The following TGM2 variants were observed in gnomAD, a reference collection of about 807,000 sequenced individuals.
TGM2 encodes transglutaminase 2.
In TGM2, 53 loss-of-function variants were observed where a neutral mutation model predicts 75.6. The observed-to-expected ratio is 0.70, with a 90% CI of 0.56 to 0.88. The LOEUF (loss-of-function observed/expected upper bound fraction) is 0.88. Among genes scored for constraint, TGM2 ranks in the 40% least tolerant of loss-of-function variants. The pLI, the probability that TGM2 is intolerant of heterozygous loss-of-function variation, is 0.00. For missense variants in TGM2, 842 were observed against 928.5 expected, an observed-to-expected ratio of 0.91 and a Z score of 1.21; for synonymous variants, 374 against 381.1, an observed-to-expected ratio of 0.98 and a Z score of 0.22.
At chr20:38,167,537 C>CT (rs1465574429), upstream of TGM2, among the ~76,000 whole-genome samples, 1 of 152,136 alleles carries the variant, frequency 6.6e-6, no homozygotes, top group Non-Finnish European at 1.5e-5. Flanking sequence ...GGAGGTCTCA[C>CT]TATGTTGCCC....
At chr20:38,156,135 GGCA>G in intron 2 of TGM2, 46 bp from the exon 3 acceptor site, 1 of 1,591,328 alleles carries the variant, frequency 6.3e-7, no homozygotes, top group Non-Finnish European at 8.5e-7. Context: ...TAGCAGGGCT[GGCA>G]GGGCAGGGCA....
intron 10 of TGM2, chr20:38,132,799 C>T (rs770194695): frequency 5.9e-6 from 3 of 506,526 alleles, no homozygotes; most frequent in South Asian, 3.1e-5. Flanking sequence ...CCCAGGTCCT[C>T]GATGTTTGGA....
intron 3 of TGM2, among the ~76,000 whole-genome samples, chr20:38,155,574 G>T (rs185550340): frequency 4.1e-4 from 63 of 152,118 alleles, no homozygotes; most frequent in African/African-American, 1.5e-3. Context: ...TTAACTCCTG[G>T]CTCGCTCAAG....
At position 38,141,331 on chromosome 20, in the gene TGM2, C is replaced by A. The variant is rs1485217659; in HGVS notation, c.1050G>T (p.Gly350=). ...GGTCCAGGGCCTGCCAGCCCTCGTACCCCGGCTGCAGGTCCGGCCTGGTCA... is the reference window on the plus strand; with the variant it reads ...GGTCCAGGGCCTGCCAGCCCTCGTAACCCGGCTGCAGGTCCGGCCTGGTCA... ...SWMTRPDLQP[G]YEGWQALDPT... is the part of the protein sequence containing the mutation. Residue 350 remains glycine (G), a synonymous_variant, in exon 8 of 13, where the codon GGG becomes GGT. Transcript: ENST00000361475. 2.5e-6 allele frequency: 4 copies of A among 1,592,256 alleles called. No individual in the cohort carries two copies. The highest frequency in any genetic ancestry group is 1.3e-5 in the African/African-American group (1 of 74,776).
chr20:38,143,877 A>C (rs2075010256), intron 6 of TGM2, among the ~76,000 whole-genome samples: 1 of 152,214 alleles, frequency 6.6e-6, no homozygotes, highest in South Asian at 2.1e-4. Flanking sequence ...GGCCAGGGTA[A>C]GAGCTTACTG....
upstream of TGM2, among the ~76,000 whole-genome samples, chr20:38,165,926 C>T (rs571865425): frequency 1.3e-5 from 2 of 152,132 alleles, no homozygotes; most frequent in East Asian, 1.9e-4. Flanking sequence ...GCCTTGACCG[C>T]GAGCCACACA....
At position 38,137,987 on chromosome 20, in the gene TGM2, C is replaced by T; in HGVS notation, c.1615+126G>A. Reference sequence around the variant, plus strand: ...TATTTATAAAGTGCTTAGGACAGGGCCTGCCCCAGAGTCAGCGCCATGTAA... The same window carrying T: ...TATTTATAAAGTGCTTAGGACAGGGTCTGCCCCAGAGTCAGCGCCATGTAA... On this transcript the variant is annotated intron_variant, in intron 10 of 12. Coordinates refer to ENST00000361475, the MANE Select transcript of TGM2 (RefSeq NM_004613.4). 8.2e-6 allele frequency: 12 copies of T among 1,471,132 alleles called. 1 individual carries two copies. Among genetic ancestry groups the T allele is most frequent in the Non-Finnish European group, 1.1e-5 (12 of 1,106,068 alleles). The allele number at this position is 1,471,132 out of a possible 1,614,324, so 91.1% of individuals were successfully genotyped here.
At chr20:38,147,900 G>A (rs1014609001) in intron 5 of TGM2, 61 bp downstream of exon 5, 1 of 1,571,410 alleles carries the variant, frequency 6.4e-7, no homozygotes. Flanking sequence ...CACTGCGAGG[G>A]AGAGGCCTGC....
chr20:38,141,334 C>G lies in TGM2; in HGVS notation c.1047G>C (p.Pro349=). ...CCAGGGCCTGCCAGCCCTCGTACCC[C>G]GGCTGCAGGTCCGGCCTGGTCATCC... ...ESWMTRPDLQ[P]GYEGWQALDP... The change falls in exon 8 of 13, where the codon CCG becomes CCC. Residue 349 remains proline, a synonymous_variant. Coordinates refer to ENST00000361475, the MANE Select transcript of TGM2 (RefSeq NM_004613.4). 6.3e-7 allele frequency: 1 copy of G among 1,592,356 alleles called. No individual in the cohort carries two copies. Among genetic ancestry groups the G allele is most frequent in the African/African-American group, 1.3e-5 (1 of 74,768 alleles).
intron 2 of TGM2, among the ~76,000 whole-genome samples, chr20:38,160,025 C>T (rs1023932912): frequency 1.3e-5 from 2 of 152,166 alleles, no homozygotes; most frequent in Non-Finnish European, 2.9e-5. Context: ...AGCAAGAGAA[C>T]TTTGGGGGCC....
At position 38,141,361 on chromosome 20, in the gene TGM2, C is replaced by T. The variant is rs200805177; in HGVS notation, c.1020G>A (p.Ser340=). 215 of 1,586,800 alleles carry T rather than the reference C, an allele frequency of 1.4e-4. No homozygotes were observed. Among genetic ancestry groups the T allele is most frequent in the East Asian group, 1.8e-4 (8 of 43,786 alleles). Residue 340 remains serine, a synonymous_variant, in exon 8 of 13, where the codon TCG becomes TCA. Transcript: ENST00000361475. ...GCTGCAGGTCCGGCCTGGTCATCCACGACTCCACCCAGCAGTGGAAGTTCC... is the reference window on the plus strand; with the variant it reads ...GCTGCAGGTCCGGCCTGGTCATCCATGACTCCACCCAGCAGTGGAAGTTCC... The part of the protein sequence containing the change: ...MIWNFHCWVE[S]WMTRPDLQPG...
chr20:38,161,990 C>T (rs2075260024), intron 1 of TGM2, among the ~76,000 whole-genome samples: 2 of 152,092 alleles, frequency 1.3e-5, no homozygotes, highest in South Asian at 4.1e-4. Context: ...TAGGTATGTG[C>T]CCAGCTAATT....
At chr20:38,153,038 C>T (rs1036185540) in intron 3 of TGM2, among the ~76,000 whole-genome samples, 2 of 84,980 alleles carry the variant, frequency 2.4e-5, no homozygotes, top group African/African-American at 3.8e-5. Context: ...ACCTATGGGG[C>T]GGGGGGGGGG....
intron 4 of TGM2, among the ~76,000 whole-genome samples, chr20:38,148,796 G>A (rs565361135): frequency 6.6e-6 from 1 of 152,244 alleles, no homozygotes; most frequent in East Asian, 1.9e-4. Context: ...TCTCTGCAGG[G>A]CTCACACCTC....
intron 4 of TGM2, among the ~76,000 whole-genome samples, chr20:38,149,123 G>C (rs537618823): frequency 1.3e-5 from 2 of 152,118 alleles, no homozygotes; most frequent in Admixed American, 6.5e-5. Context: ...TCTCAGGCAC[G>C]ACATAAACTT....
intron 8 of TGM2, among the ~76,000 whole-genome samples, chr20:38,139,907 C>T (rs2076388): frequency 0.17 from 25,913 of 152,088 alleles, 2,353 homozygotes; most frequent in East Asian, 0.28. Context: ...ACTAACTTCT[C>T]GAAGCGGCAG....
chr20:38,158,043 G>A (rs903591405), intron 2 of TGM2, among the ~76,000 whole-genome samples: 3 of 152,160 alleles, frequency 2.0e-5, no homozygotes, highest in Non-Finnish European at 4.4e-5. Context: ...CTCAGTTTAC[G>A]CCTGTGGTCC....
intron 9 of TGM2, 40 bp from the exon 10 acceptor site, chr20:38,138,425 TAG>T: frequency 6.2e-7 from 1 of 1,612,338 alleles, no homozygotes; most frequent in Non-Finnish European, 8.5e-7. Flanking sequence ...ACAGCTGGAA[TAG>T]ATCACAGGAA....
chr20:38,138,312 C>G lies in TGM2; in HGVS notation c.1416G>C (p.Gly472=), dbSNP rs759548083. The change falls in exon 10 of 13, where the codon GGG becomes GGC. Residue 472 remains glycine, a synonymous_variant. Transcript: ENST00000361475. ...GGCCCACACGGATCCGCATGGCCAT[C>G]CCTGTCTCCTCCTTCTCGGCCAGTT... ...LNKLAEKEET[G]MAMRIRVGQS... The G allele has an allele frequency of 6.2e-7, 1 of 1,614,078 alleles. No homozygotes were observed. The highest frequency in any genetic ancestry group is 8.5e-7 in the Non-Finnish European group (1 of 1,180,038).
Sources: allele counts gnomAD v4.1 joint callset (sites outside exome capture counted in the v4.1 genomes callset), GRCh38; gene constraint gnomAD v4.1.1; transcripts MANE v1.5; gene names NCBI Gene and HGNC (gene_info 2026-07-23, HGNC 2026-07-21).